DLG2: variants seen among roughly 807,000 people sequenced by gnomAD.
The protein encoded by DLG2 is disks large homolog 2.
A neutral mutation model predicts 132.5 loss-of-function variants in DLG2; 45 were observed. The ratio of observed to expected loss-of-function variants is 0.34; its 90% CI spans 0.27 to 0.44. DLG2 has a LOEUF of 0.44. DLG2 is among the 20% of genes least tolerant of loss of function. The pLI is 1.00. For synonymous variants in DLG2, 424 were observed against 419.6 expected, an observed-to-expected ratio of 1.01 and a Z score of -0.13; for missense variants, 1,045 against 1,196.9, an observed-to-expected ratio of 0.87 and a Z score of 1.87.
chr11:85,504,267 T>A (rs2093875619), intron 3 of DLG2, among the ~76,000 whole-genome samples: 1 of 152,138 alleles, frequency 6.6e-6, no homozygotes, highest in Non-Finnish European at 1.5e-5. Context: ...TTTTGGTGTT[T>A]TAGTCATGAA....
intron 18 of DLG2, among the ~76,000 whole-genome samples, chr11:83,702,092 C>A (rs948608880): frequency 6.6e-6 from 1 of 152,114 alleles, no homozygotes; most frequent in Non-Finnish European, 1.5e-5. Context: ...AGGGACTTAC[C>A]CCCTTTGCAA....
chr11:84,217,994 C>T (rs1049843056), intron 8 of DLG2, among the ~76,000 whole-genome samples: 1 of 151,986 alleles, frequency 6.6e-6, no homozygotes, highest in African/African-American at 2.4e-5. Flanking sequence ...ATGGTGAAAT[C>T]CCATTTCTAA....
chr11:84,911,744 T>G (rs2092078240), intron 6 of DLG2, among the ~76,000 whole-genome samples: 1 of 152,206 alleles, frequency 6.6e-6, no homozygotes, highest in African/African-American at 2.4e-5. Context: ...AAAGTTTACT[T>G]TCCTCCATTA....
At chr11:84,121,733 T>C (rs549710153) in intron 9 of DLG2, among the ~76,000 whole-genome samples, 2 of 151,448 alleles carry the variant, frequency 1.3e-5, no homozygotes, top group African/African-American at 4.8e-5. Context: ...GGCTAATTTT[T>C]TGTATTTTTA....
chr11:85,274,756 C>T (rs2077779462), intron 4 of DLG2, among the ~76,000 whole-genome samples: 1 of 152,156 alleles, frequency 6.6e-6, no homozygotes, highest in African/African-American at 2.4e-5. Context: ...TAAAATACCA[C>T]TGTTTGTAAA....
At chr11:83,849,765 T>A (rs199598939) in intron 16 of DLG2, among the ~76,000 whole-genome samples, 3,490 of 148,038 alleles carry the variant, frequency 0.024, 122 homozygotes, top group African/African-American at 0.07. Context: ...TTTTTTTTTT[T>A]AAAAAAAAAG....
At chr11:83,887,226 A>G (rs1001189245) in intron 15 of DLG2, among the ~76,000 whole-genome samples, 324 of 152,192 alleles carry the variant, frequency 2.1e-3, no homozygotes, top group African/African-American at 7.4e-3. Context: ...AAGAAAAGAG[A>G]GAAGAATCAA....
intron 3 of DLG2, among the ~76,000 whole-genome samples, chr11:85,324,783 T>G (rs190222507): frequency 2.6e-5 from 4 of 152,116 alleles, no homozygotes; most frequent in East Asian, 3.9e-4. Context: ...GATGGCCGAA[T>G]AGGAACAGCT....
chr11:84,753,779 T>G (rs1303576633), intron 6 of DLG2, among the ~76,000 whole-genome samples: 3 of 152,120 alleles, frequency 2.0e-5, no homozygotes, highest in Non-Finnish European at 4.4e-5. Flanking sequence ...TGGTCAACAG[T>G]GATACTTAGA....
chr11:85,324,105 G>C (rs1358266580), intron 3 of DLG2, among the ~76,000 whole-genome samples: 1 of 152,054 alleles, frequency 6.6e-6, no homozygotes, highest in Non-Finnish European at 1.5e-5. Context: ...CCTTGCTTGG[G>C]GTAGGGGGTC....
chr11:84,614,717 TAAAC>T (rs888602441), intron 6 of DLG2, among the ~76,000 whole-genome samples: 7 of 152,256 alleles, frequency 4.6e-5, no homozygotes, highest in African/African-American at 1.7e-4. Flanking sequence ...GCTGTTATGA[TAAAC>T]AAAGTCATCT....
chr11:84,667,733 G>T (rs529531511), intron 6 of DLG2, among the ~76,000 whole-genome samples: 1 of 151,800 alleles, frequency 6.6e-6, no homozygotes, highest in Non-Finnish European at 1.5e-5. Flanking sequence ...TCCTGACCTC[G>T]AGTGATCCGC....
At chr11:84,213,815 T>C (rs1289922283) in intron 8 of DLG2, among the ~76,000 whole-genome samples, 2 of 111,082 alleles carry the variant, frequency 1.8e-5, no homozygotes, top group African/African-American at 7.9e-5. Context: ...CGAGACTCCG[T>C]CTCAAAAAAA....
In DLG2 at chr11:85,619,370, TA is replaced by T. The variant is rs111827766; in HGVS notation, c.-93+7216del. On this transcript the variant is annotated intron_variant, in intron 2 of 27. Coordinates refer to ENST00000376104, the MANE Select transcript of DLG2 (RefSeq NM_001142699.3). ...TTTTTTTAATTGGGGAATTTTAAAT[TA>T]AAAAAAAAAACTTTAGTAAATTGTC... Among the ~76,000 whole-genome samples, 300 of 146,746 alleles carry T rather than the reference TA, an allele frequency of 2.0e-3. 2 individuals carry two copies. The highest frequency in any genetic ancestry group is 0.014 in the South Asian group (65 of 4,674).
At chr11:84,223,945 T>G (rs2096953394) in intron 8 of DLG2, among the ~76,000 whole-genome samples, 2 of 152,200 alleles carry the variant, frequency 1.3e-5, no homozygotes, top group Non-Finnish European at 2.9e-5. Context: ...TATTAGCCCA[T>G]TAAGGAACCC....
chr11:84,539,336 A>G (rs1373082442), intron 6 of DLG2, among the ~76,000 whole-genome samples: 3 of 152,186 alleles, frequency 2.0e-5, no homozygotes, highest in Non-Finnish European at 4.4e-5. Context: ...CAGGAAATAA[A>G]ATTTTTAGGA....
At chr11:84,774,417 C>A (rs2070034436) in intron 6 of DLG2, among the ~76,000 whole-genome samples, 2 of 152,058 alleles carry the variant, frequency 1.3e-5, no homozygotes, top group African/African-American at 4.8e-5. Context: ...GACCAACATT[C>A]TTTTTCCCAG....
At chr11:84,154,500 A>G (rs2095382092) in intron 9 of DLG2, among the ~76,000 whole-genome samples, 2 of 152,196 alleles carry the variant, frequency 1.3e-5, no homozygotes, top group South Asian at 4.1e-4. Context: ...ATTTACATAC[A>G]GATAGATACT....
chr11:84,503,835 C>A (rs2099229956), intron 7 of DLG2, among the ~76,000 whole-genome samples: 1 of 152,202 alleles, frequency 6.6e-6, no homozygotes, highest in African/African-American at 2.4e-5. Flanking sequence ...TCATTCTTAA[C>A]TTCATAACAG....
Sources: allele counts gnomAD v4.1 joint callset (sites outside exome capture counted in the v4.1 genomes callset), GRCh38; gene constraint gnomAD v4.1.1; transcripts MANE v1.5; gene names NCBI Gene and HGNC (gene_info 2026-07-23, HGNC 2026-07-21).